Variants in ACTR3C observed in about 807,000 individuals in gnomAD.
The protein encoded by ACTR3C is actin-related protein 3C.
In ACTR3C, 18 loss-of-function variants were observed where a neutral mutation model predicts 26.3. That is an observed-to-expected ratio of 0.68 (90% CI 0.47 to 1.01). The LOEUF (loss-of-function observed/expected upper bound fraction) is 1.01. ACTR3C is among the 50% of genes least tolerant of loss of function. The pLI is 0.00. For missense variants in ACTR3C, 184 were observed against 250.7 expected, an observed-to-expected ratio of 0.73 and a Z score of 1.80; for synonymous variants, 55 against 94.5, an observed-to-expected ratio of 0.58 and a Z score of 2.42.
At chr7:150,076,118 A>C in the ACTR3C span, among the ~76,000 whole-genome samples, 888 of 152,040 alleles carry the variant, frequency 5.8e-3, 8 homozygotes, top group African/African-American at 0.021. Context: ...CCACCTTTCA[A>C]AGGCATCCCT....
At chr7:150,023,213 ATCTC>A in the ACTR3C span, among the ~76,000 whole-genome samples, 1 of 145,274 alleles carries the variant, frequency 6.9e-6, no homozygotes, top group African/African-American at 2.5e-5. Context: ...ATATCTCTAT[ATCTC>A]TATATAGATC....
At chr7:150,186,673 G>A in the ACTR3C span, among the ~76,000 whole-genome samples, 12 of 152,140 alleles carry the variant, frequency 7.9e-5, no homozygotes, top group East Asian at 1.5e-3. Context: ...CAATCCTCTC[G>A]CCAATCACAA....
chr7:150,096,217 A>G, the ACTR3C span, among the ~76,000 whole-genome samples: 1 of 149,926 alleles, frequency 6.7e-6, no homozygotes, highest in Non-Finnish European at 1.5e-5. Flanking sequence ...TACACTTTGG[A>G]TATATTATGC....
the ACTR3C span, among the ~76,000 whole-genome samples, chr7:150,142,895 T>C: frequency 6.6e-6 from 1 of 151,850 alleles, no homozygotes; most frequent in Non-Finnish European, 1.5e-5. Context: ...AGTGCAGTGG[T>C]GTGATCTTGG....
the ACTR3C span, among the ~76,000 whole-genome samples, chr7:149,976,385 T>C: frequency 6.6e-6 from 1 of 151,800 alleles, no homozygotes; most frequent in South Asian, 2.1e-4. Flanking sequence ...CCATCCTGGC[T>C]AACATGGTGA....
the ACTR3C span, among the ~76,000 whole-genome samples, chr7:150,131,916 C>T: frequency 6.6e-6 from 1 of 152,302 alleles, no homozygotes; most frequent in South Asian, 2.1e-4. Flanking sequence ...CATGAATGAA[C>T]CTTGAAAACA....
chr7:150,017,528 G>C, the ACTR3C span, among the ~76,000 whole-genome samples: 1 of 150,204 alleles, frequency 6.7e-6, no homozygotes, highest in Admixed American at 6.6e-5. Flanking sequence ...AGGTGGGCCA[G>C]GAACATCGAA....
chr7:149,966,874 T>C, the ACTR3C span, among the ~76,000 whole-genome samples: 1 of 151,764 alleles, frequency 6.6e-6, no homozygotes, highest in Non-Finnish European at 1.5e-5. Context: ...TTTTTGTGTG[T>C]GTGGGGGGAC....
chr7:150,142,260 A>T, the ACTR3C span, among the ~76,000 whole-genome samples: 1 of 152,082 alleles, frequency 6.6e-6, no homozygotes, highest in African/African-American at 2.4e-5. Context: ...GGGCATGGTC[A>T]AGTGACTGAG....
intron 1 of ACTR3C, among the ~76,000 whole-genome samples, chr7:150,313,339 A>T (rs1177205262): frequency 6.6e-6 from 1 of 152,204 alleles, no homozygotes; most frequent in African/African-American, 2.4e-5. Context: ...GTTCCAGGTC[A>T]TAGGTAGATT....
the ACTR3C span, among the ~76,000 whole-genome samples, chr7:150,183,772 C>G: frequency 6.9e-6 from 1 of 144,286 alleles, no homozygotes; most frequent in Non-Finnish European, 1.5e-5. Flanking sequence ...TATGCTTTGG[C>G]TCTGTGTCCC....
the ACTR3C span, among the ~76,000 whole-genome samples, chr7:150,009,866 G>A: frequency 2.0e-5 from 3 of 152,180 alleles, no homozygotes; most frequent in South Asian, 2.1e-4. Flanking sequence ...TCCCAGCTAC[G>A]CTTGCTCTCA....
intron 6 of ACTR3C, among the ~76,000 whole-genome samples, chr7:150,272,696 T>G (rs928363854): frequency 6.1e-5 from 8 of 131,688 alleles, no homozygotes; most frequent in African/African-American, 1.4e-4. Context: ...TTTGGTTTTT[T>G]TTTTTTTTTT....
the ACTR3C span, among the ~76,000 whole-genome samples, chr7:150,092,981 G>T: frequency 1.5e-4 from 22 of 151,438 alleles, no homozygotes; most frequent in African/African-American, 4.4e-4. Context: ...ATTCTTTGGT[G>T]AAGCTATTGA....
At chr7:150,200,175 T>C in the ACTR3C span, among the ~76,000 whole-genome samples, 2 of 152,366 alleles carry the variant, frequency 1.3e-5, no homozygotes, top group African/African-American at 4.8e-5. Flanking sequence ...AATTGCTAAG[T>C]GGACATTTTG....
the ACTR3C span, among the ~76,000 whole-genome samples, chr7:150,121,091 A>G: frequency 6.6e-6 from 1 of 152,214 alleles, no homozygotes; most frequent in Non-Finnish European, 1.5e-5. Context: ...ATCTCAAAAT[A>G]ATAAGAACTA....
chr7:150,086,204 G>A, the ACTR3C span, among the ~76,000 whole-genome samples: 14 of 152,110 alleles, frequency 9.2e-5, no homozygotes, highest in East Asian at 1.7e-3. Flanking sequence ...GGTTGGTCTC[G>A]AACTCCTGAC....
chr7:150,239,261 G>A (rs1236892779), downstream of ACTR3C, among the ~76,000 whole-genome samples: 15 of 148,726 alleles, frequency 1.0e-4, 1 homozygote, highest in East Asian at 2.0e-4. Context: ...ACTCAGATGC[G>A]TTCTCAGTTC....
At chr7:150,227,701 G>GTTTTTTTTTTTTTT in the ACTR3C span, among the ~76,000 whole-genome samples, 11 of 94,232 alleles carry the variant, frequency 1.2e-4, no homozygotes, top group African/African-American at 3.6e-4. Context: ...TTTTTTTTTT[G>GTTTTTTTTTTTTTT]TTTTTTTTTT....
Sources: allele counts gnomAD v4.1 joint callset (sites outside exome capture counted in the v4.1 genomes callset), GRCh38; gene constraint gnomAD v4.1.1; transcripts MANE v1.5; gene names NCBI Gene and HGNC (gene_info 2026-07-23, HGNC 2026-07-21).